MINDY2: variants seen among roughly 807,000 people sequenced by gnomAD.
MINDY2 encodes the protein MINDY lysine 48 deubiquitinase 2.
Under a neutral mutation model 68.2 loss-of-function variants are expected in MINDY2, and 52 were observed. The observed-to-expected ratio is 0.76, with a 90% CI of 0.61 to 0.96. The LOEUF is 0.96. Among genes scored for constraint, MINDY2 ranks in the 40% least tolerant of loss-of-function variants. MINDY2 has a pLI of 0.00. For synonymous variants in MINDY2, 372 were observed against 303.0 expected, an observed-to-expected ratio of 1.23 and a Z score of -2.36; for missense variants, 881 against 773.4, an observed-to-expected ratio of 1.14 and a Z score of -1.65.
At chr15:58,789,965 G>T (rs1034213207) in intron 2 of MINDY2, among the ~76,000 whole-genome samples, 1 of 151,874 alleles carries the variant, frequency 6.6e-6, no homozygotes, top group Non-Finnish European at 1.5e-5. Context: ...TTTTTGTAGA[G>T]ATTGGGTTTC....
intron 1 of MINDY2, among the ~76,000 whole-genome samples, chr15:58,776,075 G>A (rs1900752657): frequency 6.6e-6 from 1 of 152,032 alleles, no homozygotes; most frequent in Non-Finnish European, 1.5e-5. Flanking sequence ...AGCCTGGCTG[G>A]TCTCGAACTC....
intron 1 of MINDY2, among the ~76,000 whole-genome samples, chr15:58,773,211 G>A (rs923222061): frequency 1.1e-4 from 16 of 152,172 alleles, no homozygotes; most frequent in Admixed American, 8.5e-4. Context: ...AGCTACTCTG[G>A]AGGCTGACAC....
At chr15:58,832,228 C>CTT (rs568639158) in intron 6 of MINDY2, among the ~76,000 whole-genome samples, 6,269 of 139,928 alleles carry the variant, frequency 0.045, 318 homozygotes, top group African/African-American at 0.12. Context: ...AGGATGACTT[C>CTT]TTTTTTTTTT....
At chr15:58,831,039 G>GTATATATATATATATATA (rs1247362730) in intron 5 of MINDY2, among the ~76,000 whole-genome samples, 6 of 109,572 alleles carry the variant, frequency 5.5e-5, no homozygotes, top group South Asian at 2.7e-4. Context: ...GTGTGTGTGT[G>GTATATATATATATATATA]TGTATATATA....
At chr15:58,824,465 A>G (rs1164537615) in intron 5 of MINDY2, among the ~76,000 whole-genome samples, 2 of 152,140 alleles carry the variant, frequency 1.3e-5, no homozygotes, top group African/African-American at 4.8e-5. Flanking sequence ...TCCATATTAA[A>G]GAATAATTAT....
At chr15:58,803,415 C>T (rs1402754760) in intron 3 of MINDY2, among the ~76,000 whole-genome samples, 1 of 151,206 alleles carries the variant, frequency 6.6e-6, no homozygotes, top group African/African-American at 2.4e-5. Flanking sequence ...TTGCAGTGAG[C>T]TGGAATCGCG....
chr15:58,814,649 C>T (rs1336428290), intron 4 of MINDY2, among the ~76,000 whole-genome samples: 1 of 151,864 alleles, frequency 6.6e-6, no homozygotes, highest in African/African-American at 2.4e-5. Context: ...GAGACTACGG[C>T]TGTGAGCCAC....
intron 5 of MINDY2, among the ~76,000 whole-genome samples, chr15:58,830,186 AGTGAATG>A (rs2031638129): frequency 3.9e-5 from 6 of 152,230 alleles, no homozygotes; most frequent in Non-Finnish European, 8.8e-5. Flanking sequence ...ACACTGAATT[AGTGAATG>A]CTGAACCACT....
chr15:58,840,370 C>T (rs2032215495), intron 6 of MINDY2, among the ~76,000 whole-genome samples: 1 of 151,934 alleles, frequency 6.6e-6, no homozygotes, highest in Non-Finnish European at 1.5e-5. Context: ...TTGCTAAATT[C>T]TGGAAAAATA....
chr15:58,789,889 C>G (rs532887542), intron 2 of MINDY2, among the ~76,000 whole-genome samples: 134 of 152,176 alleles, frequency 8.8e-4, no homozygotes, highest in African/African-American at 3.0e-3. Context: ...TCAGGTGATC[C>G]GCCCACCTGA....
Position 58,854,681 on chromosome 15 carries a change from A to T in MINDY2, c.*71A>T. The T allele has an allele frequency of 1.3e-6, 2 of 1,490,638 alleles. No homozygotes were observed. The highest frequency in any genetic ancestry group is 4.6e-5 in the East Asian group (2 of 43,510). 92.3% of individuals were successfully genotyped at this position (1,490,638 alleles called of 1,614,324 possible). A position where few individuals can be genotyped will look rare whatever the true frequency, so the allele number is the denominator to read the frequency against. ...AAACCACAGGAGGAAAGGAAGAAAA[A>T]CCGATCAATACCGTCTGTGCCTGAT... On this transcript the variant is annotated 3_prime_UTR_variant, in exon 9 of 9. Coordinates refer to ENST00000559228, the MANE Select transcript of MINDY2 (RefSeq NM_001040450.3).
intron 3 of MINDY2, among the ~76,000 whole-genome samples, chr15:58,803,118 T>C (rs1902775060): frequency 6.6e-6 from 1 of 152,232 alleles, no homozygotes; most frequent in Non-Finnish European, 1.5e-5. Flanking sequence ...TCATTTGTCT[T>C]GCAAAATTTC....
intron 8 of MINDY2, among the ~76,000 whole-genome samples, chr15:58,854,141 G>A (rs1174373914): frequency 1.3e-5 from 2 of 151,874 alleles, no homozygotes; most frequent in African/African-American, 4.8e-5. Flanking sequence ...CTACTTGGGA[G>A]GCTGAGGCAG....
rs144826086 is a variant in MINDY2 at position 58,805,889 on chromosome 15, C to T, written c.963+3512C>T. ...TGGAGATCGAGACCATGCTGGCTAA[C>T]ACAGTGAAACCCCATCTCTACTAAA... On this transcript the variant is annotated intron_variant, in intron 3 of 8. Coordinates refer to ENST00000559228, the MANE Select transcript of MINDY2 (RefSeq NM_001040450.3). Among the ~76,000 whole-genome samples, 1,437 of 152,184 alleles carry T rather than the reference C, an allele frequency of 9.4e-3. 18 individuals carry two copies. Among genetic ancestry groups the T allele is most frequent in the African/African-American group, 0.033 (1,366 of 41,508 alleles).
chr15:58,825,242 A>C (rs1234941449), intron 5 of MINDY2, among the ~76,000 whole-genome samples: 1 of 152,236 alleles, frequency 6.6e-6, no homozygotes, highest in South Asian at 2.1e-4. Flanking sequence ...AAATAATCAA[A>C]TAGAGTTAGG....
intron 7 of MINDY2, among the ~76,000 whole-genome samples, chr15:58,848,440 G>C (rs1042792464): frequency 6.6e-6 from 1 of 152,130 alleles, no homozygotes; most frequent in East Asian, 1.9e-4. Flanking sequence ...CAGTTATCAA[G>C]TACACAAAAG....
At chr15:58,776,767 G>A (rs1428035712) in intron 1 of MINDY2, among the ~76,000 whole-genome samples, 7 of 152,036 alleles carry the variant, frequency 4.6e-5, no homozygotes, top group Non-Finnish European at 8.8e-5. Context: ...CATGCCTGTC[G>A]TCCCAGCATT....
At chr15:58,798,329 G>A (rs191517021) in intron 2 of MINDY2, among the ~76,000 whole-genome samples, 1 of 147,300 alleles carries the variant, frequency 6.8e-6, no homozygotes, top group Non-Finnish European at 1.5e-5. Context: ...ATTTGTCTAT[G>A]TTGGCCAGGC....
rs191098783 is a variant in MINDY2 at position 58,814,671 on chromosome 15, C to T, written c.1122+4283C>T. Among the ~76,000 whole-genome samples, 18 of 151,984 alleles carry T rather than the reference C, an allele frequency of 1.2e-4. No homozygotes were observed. The East Asian group carries it at 3.3e-3, about 28-fold the overall frequency. Reference sequence around the variant, plus strand: ...CGGCTGTGAGCCACCATGTCCAGCCCTTTTCCCCATTTTTTTTATTTGGCT... The same window carrying T: ...CGGCTGTGAGCCACCATGTCCAGCCTTTTTCCCCATTTTTTTTATTTGGCT... On this transcript the variant is annotated intron_variant, in intron 4 of 8. Transcript: ENST00000559228.
Sources: gnomAD v4.1 joint callset for allele counts (sites outside exome capture counted in the v4.1 genomes callset) on GRCh38, gnomAD v4.1.1 for gene constraint, MANE v1.5 for transcripts, NCBI Gene and HGNC (gene_info 2026-07-23, HGNC 2026-07-21) for gene names.